Variants in DSCAML1 observed in about 807,000 individuals in gnomAD.
DSCAML1 encodes the protein cell adhesion molecule DSCAML1.
In DSCAML1, 38 loss-of-function variants were observed where a neutral mutation model predicts 200.5. That is an observed-to-expected ratio of 0.19 (90% CI 0.15 to 0.25). The LOEUF (loss-of-function observed/expected upper bound fraction) is 0.25. Ranked by LOEUF, DSCAML1 falls within the 10% of genes least tolerant of loss-of-function variation. The pLI is 1.00. For missense variants in DSCAML1, 2,223 were observed against 2,858.8 expected (o/e 0.78, Z 5.07); for synonymous variants, 1,215 against 1,165.0 (o/e 1.04, Z -0.87).
At chr11:117,468,818 G>T (rs116783068) in intron 16 of DSCAML1, among the ~76,000 whole-genome samples, 1 of 152,296 alleles carries the variant, frequency 6.6e-6, no homozygotes, top group East Asian at 1.9e-4. Flanking sequence ...AATATCACTA[G>T]GTCCTTCTGA....
intron 3 of DSCAML1, among the ~76,000 whole-genome samples, chr11:117,604,325 G>A (rs923949266): frequency 2.6e-4 from 39 of 152,064 alleles, no homozygotes; most frequent in African/African-American, 7.0e-4. Context: ...CTTTGTCACC[G>A]AGAAAGGGTG....
chr11:117,731,208 G>A (rs1010152644), intron 3 of DSCAML1, among the ~76,000 whole-genome samples: 3 of 152,124 alleles, frequency 2.0e-5, no homozygotes, highest in Non-Finnish European at 2.9e-5. Flanking sequence ...CCCAGAGAAG[G>A]TGGTCAATCA....
chr11:117,738,246 C>A (rs2054356868), intron 3 of DSCAML1, among the ~76,000 whole-genome samples: 1 of 152,164 alleles, frequency 6.6e-6, no homozygotes, highest in Non-Finnish European at 1.5e-5. Flanking sequence ...TGCCAGCACT[C>A]CAGCGATTCC....
chr11:117,725,843 CAAAACAAAAA>C (rs765019988), intron 3 of DSCAML1, among the ~76,000 whole-genome samples: 3,924 of 136,422 alleles, frequency 0.029, 69 homozygotes, highest in Non-Finnish European at 0.029. Context: ...CAAAACAAAA[CAAAACAAAAA>C]GGTAGGGAGG....
chr11:117,663,588 GCTCT>G (rs1234663605), intron 3 of DSCAML1, among the ~76,000 whole-genome samples: 2 of 152,178 alleles, frequency 1.3e-5, no homozygotes, highest in East Asian at 3.9e-4. Context: ...CTTCCAGGAG[GCTCT>G]CTCTCACTGT....
At chr11:117,810,068 C>A (rs1161838807) in intron 1 of DSCAML1, among the ~76,000 whole-genome samples, 1 of 149,784 alleles carries the variant, frequency 6.7e-6, no homozygotes, top group Non-Finnish European at 1.5e-5. Context: ...TTCACACACT[C>A]ACTTACACAT....
At chr11:117,564,695 T>G (rs2050724035) in intron 3 of DSCAML1, among the ~76,000 whole-genome samples, 1 of 151,676 alleles carries the variant, frequency 6.6e-6, no homozygotes, top group East Asian at 1.9e-4. Context: ...CTTCCTATCC[T>G]TCCTTCCTTT....
At chr11:117,493,906 G>T (rs1206023888) in intron 11 of DSCAML1, among the ~76,000 whole-genome samples, 2 of 152,182 alleles carry the variant, frequency 1.3e-5, no homozygotes, top group Non-Finnish European at 2.9e-5. Flanking sequence ...GGGATTACAG[G>T]TGTGAGCCAC....
intron 3 of DSCAML1, among the ~76,000 whole-genome samples, chr11:117,770,046 C>T (rs2055009112): frequency 6.6e-6 from 1 of 152,210 alleles, no homozygotes; most frequent in South Asian, 2.1e-4. Context: ...ACCTAAAGTG[C>T]TCTCTCTGCC....
At chr11:117,661,390 G>A (rs1456683834) in intron 3 of DSCAML1, among the ~76,000 whole-genome samples, 2 of 152,196 alleles carry the variant, frequency 1.3e-5, no homozygotes, top group Admixed American at 6.5e-5. Context: ...CAGGTGCACC[G>A]AATAGTGAAT....
At chr11:117,771,630 G>A (rs1276755594) in intron 3 of DSCAML1, among the ~76,000 whole-genome samples, 3 of 152,192 alleles carry the variant, frequency 2.0e-5, no homozygotes, top group Non-Finnish European at 4.4e-5. Context: ...CCAGAGAGGC[G>A]GCGGGAAGTA....
intron 3 of DSCAML1, among the ~76,000 whole-genome samples, chr11:117,541,602 C>T (rs2050269654): frequency 6.6e-6 from 1 of 152,210 alleles, no homozygotes; most frequent in Admixed American, 6.5e-5. Flanking sequence ...CACTTTGATC[C>T]TTTCCTTGTT....
At chr11:117,801,980 C>G (rs558072971), upstream of DSCAML1, 1 of 152,336 alleles carries the variant, frequency 6.6e-6, no homozygotes, top group South Asian at 2.1e-4. Flanking sequence ...TTCGACAGAG[C>G]TGAAGCTCAT....
intron 17 of DSCAML1, 93 bp downstream of exon 17, chr11:117,464,849 G>A (rs2048548300): frequency 8.4e-6 from 13 of 1,547,112 alleles, no homozygotes; most frequent in Admixed American, 3.7e-5. Context: ...TGGGGCCCAG[G>A]GGCAAACAGA....
At chr11:117,532,194 G>A (rs1284072318) in intron 4 of DSCAML1, among the ~76,000 whole-genome samples, 182 bp downstream of exon 4, 1 of 151,882 alleles carries the variant, frequency 6.6e-6, no homozygotes, top group Admixed American at 6.6e-5. Flanking sequence ...ATTTGAAAAT[G>A]AAAACATAGC....
intron 27 of DSCAML1, among the ~76,000 whole-genome samples, chr11:117,433,763 C>A (rs1218519414): frequency 2.6e-5 from 4 of 152,232 alleles, no homozygotes; most frequent in Non-Finnish European, 5.9e-5. Flanking sequence ...TCATCTGCTT[C>A]ATGAATTGAC....
chr11:117,587,941 A>G (rs1186344520), intron 3 of DSCAML1, among the ~76,000 whole-genome samples: 1 of 152,134 alleles, frequency 6.6e-6, no homozygotes, highest in Non-Finnish European at 1.5e-5. Context: ...TCTAACATCC[A>G]GGGATTTGGT....
chr11:117,611,247 T>G (rs2051685639), intron 3 of DSCAML1: 1 of 152,228 alleles, frequency 6.6e-6, no homozygotes, highest in Non-Finnish European at 1.5e-5. Flanking sequence ...TCGCTTATCC[T>G]GCAGATCCCA....
At chr11:117,785,308 G>T (rs967842221) in intron 1 of DSCAML1, among the ~76,000 whole-genome samples, 3 of 152,208 alleles carry the variant, frequency 2.0e-5, no homozygotes, top group African/African-American at 7.2e-5. Context: ...GAAGGGGAAA[G>T]TTATTCAGCA....
Sources: allele counts gnomAD v4.1 joint callset (sites outside exome capture counted in the v4.1 genomes callset), GRCh38; gene constraint gnomAD v4.1.1; transcripts MANE v1.5; gene names NCBI Gene and HGNC (gene_info 2026-07-23, HGNC 2026-07-21).